The following RCOR2 variants were observed in gnomAD, a reference collection of about 807,000 sequenced individuals.
The protein encoded by RCOR2 is REST corepressor 2.
A neutral mutation model predicts 58.9 loss-of-function variants in RCOR2; 19 were observed. The observed-to-expected ratio is 0.32, with a 90% CI of 0.23 to 0.47. The LOEUF (loss-of-function observed/expected upper bound fraction) is 0.47, where lower values mean the gene tolerates loss of function less well. Ranked by LOEUF, RCOR2 falls within the 20% of genes least tolerant of loss-of-function variation. RCOR2 has a pLI of 1.00. For missense variants in RCOR2, 590 were observed against 707.9 expected (o/e 0.83, Z 1.89); for synonymous variants, 286 against 278.7 (o/e 1.03, Z -0.26).
Position 63,916,967 on chromosome 11 carries a change from C to CCGGCGGCGGCGGCGGCGGCGGCGACGG in RCOR2, c.-512_-511insCCGTCGCCGCCGCCGCCGCCGCCGCCG, listed in dbSNP as rs543905673. 1 of 147,136 alleles carries CCGGCGGCGGCGGCGGCGGCGGCGACGG rather than the reference C, an allele frequency of 6.8e-6. No individual in the cohort carries two copies. The highest frequency in any genetic ancestry group is 2.0e-4 in the East Asian group (1 of 4,978). The allele number at this position is 147,136 out of a possible 1,614,324, so 9.1% of individuals were successfully genotyped here. The stretch of plus-strand genomic sequence containing the variant: ...CCCGCGACGGCAGCCGGCCGGGGCA[C>CCGGCGGCGGCGGCGGCGGCGGCGACGG]CGGCGGCGGCGGCGGCGGCGACGGC... On this transcript the variant is annotated 5_prime_UTR_variant, in exon 1 of 12. Coordinates refer to ENST00000301459, the MANE Select transcript of RCOR2 (RefSeq NM_173587.4).
the RCOR2 span, among the ~76,000 whole-genome samples, chr11:63,926,841 T>A: frequency 6.6e-6 from 1 of 151,470 alleles, no homozygotes; most frequent in African/African-American, 2.4e-5. Context: ...TTATTTATTT[T>A]GAGACAGTCT....
At chr11:63,926,489 C>CT in the RCOR2 span, among the ~76,000 whole-genome samples, 572 of 137,732 alleles carry the variant, frequency 4.2e-3, 7 homozygotes, top group Middle Eastern at 0.011. Context: ...CTCTCTCTCT[C>CT]TTTTTTTTTT....
At chr11:63,917,190 C>G (rs1441485848), upstream of RCOR2, among the ~76,000 whole-genome samples, 1 of 145,272 alleles carries the variant, frequency 6.9e-6, no homozygotes, top group African/African-American at 2.5e-5. Flanking sequence ...GAAGTAGTGC[C>G]GGCTGCGGCC....
chr11:63,926,824 C>A, the RCOR2 span, among the ~76,000 whole-genome samples: 1 of 129,914 alleles, frequency 7.7e-6, no homozygotes. Context: ...TGTTTGTTTT[C>A]ATTTATTTAT....
At chr11:63,912,276 C>CT in intron 11 of RCOR2, 29 bp downstream of exon 11, 1 of 1,599,804 alleles carries the variant, frequency 6.3e-7, no homozygotes, top group South Asian at 1.1e-5. Flanking sequence ...CCTCTCCTCT[C>CT]TGAGGGGTTT....
At chr11:63,916,253 C>G in intron 1 of RCOR2, 77 bp downstream of exon 1, 2 of 1,303,662 alleles carry the variant, frequency 1.5e-6, no homozygotes, top group Non-Finnish European at 1.1e-6. Flanking sequence ...GGCTCGTGGT[C>G]TGCAACTCTT....
In RCOR2 at chr11:63,911,905, AGGGT is replaced by A. The variant is rs1323290907; in HGVS notation, c.1528_1531del (p.Thr510Ter). 3 of 462,118 alleles carry A rather than the reference AGGGT, an allele frequency of 6.5e-6. No individual in the cohort carries two copies. Among genetic ancestry groups the A allele is most frequent in the South Asian group, 2.2e-5 (1 of 45,952 alleles). The allele number at this position is 462,118 out of a possible 1,614,324, so 28.6% of individuals were successfully genotyped here. On this transcript the variant is annotated frameshift_variant, in exon 12 of 12. Transcript: ENST00000301459. LOFTEE classifies it high-confidence loss of function. ...TGGGGGCTCCAGAGGGGTTCCAATC[AGGGT>A]GGGTGGGGGCTGAGGGCCAGGGCGG...
chr11:63,913,111 G>A (rs1157270809), intron 8 of RCOR2, among the ~76,000 whole-genome samples, 164 bp from the exon 9 acceptor site: 2 of 151,136 alleles, frequency 1.3e-5, no homozygotes, highest in Non-Finnish European at 2.9e-5. Flanking sequence ...ACTCAGTAGG[G>A]GAGCCGCTGG....
Position 63,914,501 on chromosome 11 carries a change from T to G in RCOR2, c.521A>C (p.Tyr174Ser). 1 of 1,613,622 alleles carries G rather than the reference T, an allele frequency of 6.2e-7. No homozygotes were observed. The highest frequency in any genetic ancestry group is 8.5e-7 in the Non-Finnish European group (1 of 1,179,986). Residue 174 changes from tyrosine (Y) to serine (S), a missense_variant, in exon 6 of 12, where the codon TAC becomes TCC. Coordinates refer to ENST00000301459, the MANE Select transcript of RCOR2 (RefSeq NM_173587.4). ...TCGGCTGCGGGTCTTCTTCCAAGAG[T>G]AGTAGTATTTCACCAGGCTGGGAAT... ...KLIPSLVKYY[Y>S]SWKKTRSRTS...
the RCOR2 span, among the ~76,000 whole-genome samples, chr11:63,927,077 G>A: frequency 2.0e-5 from 3 of 151,080 alleles, no homozygotes; most frequent in East Asian, 2.0e-4. Flanking sequence ...CTGGCCTCAC[G>A]TGATCCACCC....
Position 63,914,029 on chromosome 11 carries a change from T to C in RCOR2, c.816A>G (p.Ala272=). 2 of 1,613,774 alleles carry C rather than the reference T, an allele frequency of 1.2e-6. No individual in the cohort carries two copies. The highest frequency in any genetic ancestry group is 1.7e-6 in the Non-Finnish European group (2 of 1,179,940). The change falls in exon 8 of 12, where the codon GCA becomes GCG. Residue 272 remains alanine, a synonymous_variant. Coordinates refer to ENST00000301459, the MANE Select transcript of RCOR2 (RefSeq NM_173587.4). ...TGGCAAGGTCCGGGCTTCCTGACAC[T>C]GCCGTGAGGCCTTCAGGGCTCAGGT... is the stretch of plus-strand genomic sequence containing the variant. The part of the protein sequence containing the change: ...GMYLSPEGLT[A]VSGSPDLANL...
upstream of RCOR2, among the ~76,000 whole-genome samples, chr11:63,920,608 C>T (rs1941909702): frequency 6.6e-6 from 1 of 152,122 alleles, no homozygotes; most frequent in South Asian, 2.1e-4. Flanking sequence ...CGAGCCAAAA[C>T]CTGGCTGAGC....
rs569028144 is a variant in RCOR2 at position 63,914,343 on chromosome 11, G to A, written c.606-13C>T. 9 of 1,613,470 alleles carry A rather than the reference G, an allele frequency of 5.6e-6. No individual in the cohort carries two copies. In the South Asian group the frequency reaches 9.9e-5, roughly 18 times the overall value. ...TTCGAGCTCATCACTGCTGACACAG[G>A]GGCCAGGGAGGGAATGAGGCAGCTG... On this transcript the variant is annotated splice_polypyrimidine_tract_variant and intron_variant, in intron 6 of 11. Transcript: ENST00000301459.
rs202226917 is a variant in RCOR2 at position 63,912,357 on chromosome 11, T to G, written c.1205A>C (p.Glu402Ala). ...GAPGAPVPME[E>A]ARRGAPLPAP... ...TGGCAATGGAGCCCCTCTCCTAGCC[T>G]CCTCCATGGGGACTGGGGCTCCAGG... The change falls in exon 11 of 12, where the codon GAG (glutamate) becomes GCG (alanine). Residue 402 changes from glutamate to alanine, a missense_variant. Physicochemically the swap from Glu to Ala is moderately radical, Grantham distance 107. Transcript: ENST00000301459. The G allele has an allele frequency of 9.9e-6, 16 of 1,613,648 alleles. No homozygotes were observed. The African/African-American group carries it at 1.5e-4, about 15-fold the overall frequency.
chr11:63,918,326 C>T (rs1312835853), upstream of RCOR2, among the ~76,000 whole-genome samples: 2 of 152,190 alleles, frequency 1.3e-5, no homozygotes, highest in Admixed American at 1.3e-4. Flanking sequence ...GCCGAGTGGC[C>T]GGGGTGTTGC....
the RCOR2 span, among the ~76,000 whole-genome samples, chr11:63,926,497 T>TG: frequency 4.0e-5 from 6 of 150,798 alleles, no homozygotes; most frequent in African/African-American, 1.5e-4. Flanking sequence ...CTCTTTTTTT[T>TG]TTTTTGTTTG....
chr11:63,915,461 C>T, intron 2 of RCOR2, 94 bp downstream of exon 2: 1 of 1,367,138 alleles, frequency 7.3e-7, no homozygotes, highest in Non-Finnish European at 1.0e-6. Context: ...CCTGCCCTTC[C>T]AGGGGAGCCA....
intron 11 of RCOR2, 32 bp downstream of exon 11, chr11:63,912,271 CCT>C (rs1235635778): frequency 4.4e-6 from 7 of 1,601,260 alleles, no homozygotes; most frequent in Non-Finnish European, 6.0e-6. Flanking sequence ...CCTCGCCTCT[CCT>C]CTCTGAGGGG....
rs772323790 is a variant in RCOR2 at position 63,912,661 on chromosome 11, C to G, written c.1027+15G>C. 2.6e-5 allele frequency: 42 copies of G among 1,613,842 alleles called. No individual in the cohort carries two copies. Among genetic ancestry groups the G allele is most frequent in the Non-Finnish European group, 3.5e-5 (41 of 1,179,806 alleles). ...GATTCCTGGGGTCCTCTCTTCTCAC[C>G]ACAGTTTAACCCACCTTGAACAGCC... On this transcript the variant is annotated intron_variant, in intron 10 of 11. Coordinates refer to ENST00000301459, the MANE Select transcript of RCOR2 (RefSeq NM_173587.4).
Sources: gnomAD v4.1 joint callset for allele counts (sites outside exome capture counted in the v4.1 genomes callset) on GRCh38, gnomAD v4.1.1 for gene constraint, MANE v1.5 for transcripts, NCBI Gene and HGNC (gene_info 2026-07-23, HGNC 2026-07-21) for gene names.